ENTPD1: variants seen among roughly 807,000 people sequenced by gnomAD.
ENTPD1 encodes ATP diphosphohydrolase.
A neutral mutation model predicts 57.0 loss-of-function variants in ENTPD1; 33 were observed. That is an observed-to-expected ratio of 0.58 (90% CI 0.44 to 0.77). The LOEUF (loss-of-function observed/expected upper bound fraction) is 0.77, where lower values mean the gene tolerates loss of function less well. Ranked by LOEUF, ENTPD1 falls within the 30% of genes least tolerant of loss-of-function variation. The pLI is 0.00. For missense variants in ENTPD1, 501 were observed against 603.4 expected (o/e 0.83, Z 1.78); for synonymous variants, 202 against 218.8 (o/e 0.92, Z 0.68).
chr10:95,761,046 G>A (rs1172429034), intron 1 of ENTPD1, among the ~76,000 whole-genome samples: 1 of 151,938 alleles, frequency 6.6e-6, no homozygotes, highest in Non-Finnish European at 1.5e-5. Flanking sequence ...TAGCCAGGAT[G>A]GTCTCGATCT....
chr10:95,755,810 A>C, upstream of ENTPD1: 9 of 1,520,904 alleles, frequency 5.9e-6, no homozygotes, highest in Non-Finnish European at 7.9e-6. Context: ...GCAGTAAGGA[A>C]TAGCTTTTTT....
chr10:95,734,329 T>C (rs2097992293), intron 1 of ENTPD1, among the ~76,000 whole-genome samples: 1 of 152,104 alleles, frequency 6.6e-6, no homozygotes, highest in Non-Finnish European at 1.5e-5. Flanking sequence ...TAAGTTGATA[T>C]AAAGAAAATA....
At chr10:95,763,520 G>A (rs768841595) in intron 1 of ENTPD1, among the ~76,000 whole-genome samples, 9 of 152,138 alleles carry the variant, frequency 5.9e-5, no homozygotes, top group Non-Finnish European at 1.3e-4. Flanking sequence ...TATGTTTTTA[G>A]GATATAAAAT....
Position 95,867,362 on chromosome 10 carries a change from C to T in ENTPD1, c.*979C>T, listed in dbSNP as rs957830060. On this transcript the variant is annotated 3_prime_UTR_variant, in exon 10 of 10. Transcript: ENST00000371205. ...GCATCATCAATACATTGTCTAGAGA[C>T]AAGACTATCCTGGGTAGGCAGAAAC... The T allele has an allele frequency of 3.2e-5, 32 of 985,400 alleles. No homozygotes were observed. The African/African-American group carries it at 4.9e-4, about 15-fold the overall frequency. The allele number at this position is 985,400 out of a possible 1,614,324, so 61.0% of individuals were successfully genotyped here.
intron 1 of ENTPD1, among the ~76,000 whole-genome samples, chr10:95,779,813 A>G (rs1220640846): frequency 1.3e-5 from 2 of 152,226 alleles, no homozygotes; most frequent in African/African-American, 2.4e-5. Context: ...ACTATCGTGC[A>G]TATTTGAGAA....
chr10:95,852,607 C>A (rs1158014412), intron 7 of ENTPD1, among the ~76,000 whole-genome samples: 5 of 152,056 alleles, frequency 3.3e-5, no homozygotes, highest in East Asian at 1.9e-4. Flanking sequence ...TAATTTTTGT[C>A]TAAGGTGTAA....
rs2098185124 is a variant in ENTPD1 at position 95,787,522 on chromosome 10, G to C, written c.16+31267G>C. Among the ~76,000 whole-genome samples the C allele has an allele frequency of 3.9e-5, 6 of 152,278 alleles. No individual in the cohort carries two copies. In the South Asian group the frequency reaches 8.3e-4, roughly 21 times the overall value. ...CAGCTCTGTAGAGGGCTTTGGGTGA[G>C]AGAATACAAAGGAGAGAAAATGAGA... On this transcript the variant is annotated intron_variant, in intron 1 of 9. Transcript: ENST00000371205.
At chr10:95,745,438 C>T (rs2098005006) in intron 1 of ENTPD1, among the ~76,000 whole-genome samples, 1 of 152,142 alleles carries the variant, frequency 6.6e-6, no homozygotes, top group South Asian at 2.1e-4. Flanking sequence ...AATTGGCCTC[C>T]CAAAGTGCTG....
chr10:95,743,934 C>T (rs2098003041), intron 1 of ENTPD1, among the ~76,000 whole-genome samples: 1 of 146,738 alleles, frequency 6.8e-6, no homozygotes, highest in African/African-American at 2.5e-5. Flanking sequence ...ATTGCTACTG[C>T]AGTATCATTG....
At chr10:95,825,128 A>G (rs986987404) in intron 2 of ENTPD1, among the ~76,000 whole-genome samples, 1 of 152,258 alleles carries the variant, frequency 6.6e-6, no homozygotes, top group African/African-American at 2.4e-5. Flanking sequence ...TTAAAATTAA[A>G]TAAAATTAAA....
In ENTPD1 at chr10:95,870,953, A is replaced by G; in HGVS notation, c.*4570A>G. The G allele has an allele frequency of 2.0e-6, 2 of 985,384 alleles. No individual in the cohort carries two copies. The highest frequency in any genetic ancestry group is 2.4e-6 in the Non-Finnish European group (2 of 829,934). 61.0% of individuals were successfully genotyped at this position (985,384 alleles called of 1,614,324 possible). On this transcript the variant is annotated 3_prime_UTR_variant, in exon 10 of 10. Transcript: ENST00000371205. Reference sequence around the variant, plus strand: ...AGGGTGGATCAGACCTATTCCATATACCTCTTGTTCTCCTTGTCCAGTGGT... The same window carrying G: ...AGGGTGGATCAGACCTATTCCATATGCCTCTTGTTCTCCTTGTCCAGTGGT...
At chr10:95,818,952 C>T (rs2098339179) in intron 1 of ENTPD1, among the ~76,000 whole-genome samples, 1 of 152,190 alleles carries the variant, frequency 6.6e-6, no homozygotes, top group South Asian at 2.1e-4. Flanking sequence ...AGATGTGACT[C>T]ATAACAAATT....
chr10:95,704,619 C>A, the ENTPD1 span, among the ~76,000 whole-genome samples: 3 of 152,202 alleles, frequency 2.0e-5, no homozygotes, highest in Admixed American at 2.0e-4. Context: ...TGTACTCCTA[C>A]CTTACCTATA....
intron 8 of ENTPD1, 92 bp from the exon 9 acceptor site, chr10:95,864,632 T>TC: frequency 6.4e-7 from 1 of 1,565,468 alleles, no homozygotes; most frequent in Non-Finnish European, 8.8e-7. Flanking sequence ...GCTGGGGCTT[T>TC]CCCCTCTCTT....
At chr10:95,703,950 G>A in the ENTPD1 span, among the ~76,000 whole-genome samples, 2 of 151,458 alleles carry the variant, frequency 1.3e-5, no homozygotes, top group African/African-American at 4.9e-5. Context: ...AATTAGCCAG[G>A]CATGGTGGTT....
chr10:95,750,555 G>A (rs1005482057), intron 1 of ENTPD1, among the ~76,000 whole-genome samples: 2 of 144,234 alleles, frequency 1.4e-5, no homozygotes, highest in Non-Finnish European at 3.0e-5. Flanking sequence ...TGCACAGACT[G>A]CAGAGCCATG....
Position 95,791,656 on chromosome 10 carries a change from T to A in ENTPD1, c.17-31581T>A, listed in dbSNP as rs2098204327. 6.6e-6 allele frequency among the ~76,000 whole-genome samples: 1 copy of A among 152,130 alleles called. No homozygotes were observed. The highest frequency in any genetic ancestry group is 2.1e-4 in the South Asian group (1 of 4,828). On this transcript the variant is annotated intron_variant, in intron 1 of 9. Transcript: ENST00000371205. This position sits in a 1 kb window ranked among gnomAD's most constrained non-coding sequence, Gnocchi z 4.1. The stretch of plus-strand genomic sequence containing the variant: ...GTAAATACCCATCTTTTAAACAGGA[T>A]TACCACTTGGAAGGAGTTGGACTAA...
At position 95,712,905 on chromosome 10, in the gene ENTPD1, A is replaced by G. The variant is rs965342842; in HGVS notation, c.37+912A>G. Among the ~76,000 whole-genome samples the G allele has an allele frequency of 3.3e-5, 5 of 152,070 alleles. No homozygotes were observed. In the East Asian group the frequency reaches 5.8e-4, roughly 18 times the overall value. On this transcript the variant is annotated intron_variant, in intron 1 of 9. Transcript: ENST00000453258. The stretch of plus-strand genomic sequence containing the variant: ...AAAAATTAGCCGGGTGTGGTGGCGG[A>G]CGCCTGTAGTCCCAACTACTCGGGA...
intron 7 of ENTPD1, among the ~76,000 whole-genome samples, chr10:95,858,496 C>T (rs1451115985): frequency 2.0e-5 from 3 of 152,066 alleles, no homozygotes; most frequent in Non-Finnish European, 4.4e-5. Context: ...CCTGTGACTG[C>T]TGTTTGTAGG....
Sources: allele counts gnomAD v4.1 joint callset (sites outside exome capture counted in the v4.1 genomes callset), GRCh38; gene constraint gnomAD v4.1.1; non-coding constraint Gnocchi (gnomAD v3.1); transcripts MANE v1.5; gene names NCBI Gene and HGNC (gene_info 2026-07-23, HGNC 2026-07-21).